FCRL6: variants seen among roughly 807,000 people sequenced by gnomAD.
FCRL6 encodes Fc receptor-like protein 6.
FCRL6 carries 50 observed loss-of-function variants against 49.1 expected under a neutral mutation model. The observed-to-expected ratio is 1.02, with a 90% CI of 0.81 to 1.29. The LOEUF (loss-of-function observed/expected upper bound fraction) is 1.29. Ranked by LOEUF, FCRL6 falls within the 50% of genes most tolerant of loss-of-function variation. The pLI is 0.00. For missense variants in FCRL6, 571 were observed against 518.5 expected (o/e 1.10, Z -0.98); for synonymous variants, 213 against 199.6 (o/e 1.07, Z -0.57).
At chr1:159,805,128 C>T (rs756896823) in intron 1 of FCRL6, among the ~76,000 whole-genome samples, 4 of 152,120 alleles carry the variant, frequency 2.6e-5, no homozygotes, top group African/African-American at 9.7e-5. Context: ...TCCACTACAC[C>T]GAGCTCATAG....
intron 6 of FCRL6, among the ~76,000 whole-genome samples, chr1:159,812,631 C>T (rs188219956): frequency 7.2e-5 from 11 of 152,342 alleles, no homozygotes; most frequent in African/African-American, 2.6e-4. Flanking sequence ...TTTCTCAGCC[C>T]TGACGAATGA....
upstream of FCRL6, among the ~76,000 whole-genome samples, chr1:159,801,616 C>T (rs1193578984): frequency 1.3e-5 from 2 of 152,112 alleles, no homozygotes; most frequent in African/African-American, 4.8e-5. Context: ...AGTACCTATC[C>T]AATTATTTTT....
At chr1:159,807,531 A>G (rs1662772545) in intron 2 of FCRL6, among the ~76,000 whole-genome samples, 1 of 152,254 alleles carries the variant, frequency 6.6e-6, no homozygotes, top group Admixed American at 6.5e-5. Flanking sequence ...AGAGACAGAG[A>G]GAACAGATCC....
intron 6 of FCRL6, 134 bp from the exon 7 acceptor site, chr1:159,813,355 G>T: frequency 1.4e-6 from 1 of 714,924 alleles, no homozygotes; most frequent in South Asian, 1.6e-5. Context: ...CCAGACCTGT[G>T]AACTAGCCCT....
rs771723502 is a variant in FCRL6 at position 159,814,204 on chromosome 1, C to T, written c.1076-17C>T. 1 of 1,612,236 alleles carries T rather than the reference C, an allele frequency of 6.2e-7. No homozygotes were observed. Among genetic ancestry groups the T allele is most frequent in the Non-Finnish European group, 8.5e-7 (1 of 1,178,288 alleles). ...AGAGTCAGGAGGATCCTATTTAAGC[C>T]TCATTCCTTCTTCCAGTGCATCACC... is the stretch of plus-strand genomic sequence containing the variant. On this transcript the variant is annotated splice_polypyrimidine_tract_variant and intron_variant, in intron 7 of 9. Coordinates refer to ENST00000368106, the MANE Select transcript of FCRL6 (RefSeq NM_001004310.3).
intron 3 of FCRL6, 128 bp downstream of exon 3, chr1:159,808,572 G>C (rs957828670): frequency 1.8e-6 from 2 of 1,139,236 alleles, no homozygotes; most frequent in Non-Finnish European, 1.3e-6. Context: ...AATGTGTGGG[G>C]CCCCGAGGTT....
Position 159,815,749 on chromosome 1 carries a change from T to C in FCRL6, c.*88T>C. On this transcript the variant is annotated 3_prime_UTR_variant, in exon 10 of 10. Coordinates refer to ENST00000368106, the MANE Select transcript of FCRL6 (RefSeq NM_001004310.3). The stretch of plus-strand genomic sequence containing the variant: ...TGGGGTCCTCAACTCTTTCTGTGGG[T>C]CCTTCAGTTCCCAAGCCCAGCATCA... 3 of 1,514,902 alleles carry C rather than the reference T, an allele frequency of 2.0e-6. No homozygotes were observed. Among genetic ancestry groups the C allele is most frequent in the Non-Finnish European group, 2.7e-6 (3 of 1,108,058 alleles). 93.8% of individuals were successfully genotyped at this position (1,514,902 alleles called of 1,614,324 possible).
At chr1:159,802,531 A>C in intron 1 of FCRL6, 76 bp downstream of exon 1, 63 of 1,340,682 alleles carry the variant, frequency 4.7e-5, no homozygotes, top group Non-Finnish European at 5.9e-5. Context: ...CAAGTTCCTC[A>C]TCTTACCTTT....
rs1363518374 is a variant in FCRL6, at chr1:159,810,201, T to G, written c.994T>G (p.Ser332Ala). Reference sequence around the variant, plus strand: ...TGCTGCACTTCTGGTTTATGTGAGATCCTGGAGAAAAGCTGGTCAGTAACT... The same window carrying G: ...TGCTGCACTTCTGGTTTATGTGAGAGCCTGGAGAAAAGCTGGTCAGTAACT... ...IAAALLVYVR[S>A]WRKAGPLPSQ... Residue 332 changes from serine (S) to alanine (A), a missense_variant, in exon 6 of 10, where the codon TCC becomes GCC. Physicochemically the swap from Ser to Ala is moderately conservative, Grantham distance 99 (BLOSUM62 1). Coordinates refer to ENST00000368106, the MANE Select transcript of FCRL6 (RefSeq NM_001004310.3). 6.2e-7 allele frequency: 1 copy of G among 1,612,880 alleles called. No individual in the cohort carries two copies. Among genetic ancestry groups the G allele is most frequent in the Non-Finnish European group, 8.5e-7 (1 of 1,179,492 alleles).
chr1:159,812,786 C>T (rs1053309533), intron 6 of FCRL6, among the ~76,000 whole-genome samples: 10 of 152,296 alleles, frequency 6.6e-5, no homozygotes, highest in Non-Finnish European at 1.5e-4. Context: ...TTCTTGGGCA[C>T]CAGGCATGAA....
Position 159,814,244 on chromosome 1 carries a change from G to A in FCRL6, c.1099G>A (p.Glu367Lys). ...ANVHHQKGKD[E>K]GVVYSVVHRT... ...AGTGCATCACCAGAAAGGGAAAGAT[G>A]AAGGTGTTGTCTACTCTGTGGTGCA... The change falls in exon 8 of 10, where the codon GAA (glutamate) becomes AAA (lysine). Residue 367 changes from glutamate (E) to lysine (K), a missense_variant. Transcript: ENST00000368106. 2 of 1,614,180 alleles carry A rather than the reference G, an allele frequency of 1.2e-6. No individual in the cohort carries two copies. Among genetic ancestry groups the A allele is most frequent in the South Asian group, 1.1e-5 (1 of 91,088 alleles).
intron 6 of FCRL6, among the ~76,000 whole-genome samples, chr1:159,812,032 C>T (rs1663116089): frequency 6.6e-6 from 1 of 152,144 alleles, no homozygotes; most frequent in Non-Finnish European, 1.5e-5. Flanking sequence ...AACAAGATAC[C>T]TTTCACAGGG....
At chr1:159,807,411 C>G (rs1270862491) in intron 2 of FCRL6, among the ~76,000 whole-genome samples, 1 of 152,188 alleles carries the variant, frequency 6.6e-6, no homozygotes, top group East Asian at 1.9e-4. Context: ...CAGATACAGG[C>G]TGGGGACAGA....
intron 6 of FCRL6, among the ~76,000 whole-genome samples, chr1:159,811,652 G>A (rs1427518962): frequency 6.6e-6 from 1 of 152,158 alleles, no homozygotes; most frequent in Non-Finnish European, 1.5e-5. Context: ...TGTAGTCTTT[G>A]TCCATACAAC....
At chr1:159,815,490 C>T (rs373431796) in intron 9 of FCRL6, 31 bp downstream of exon 9, 15 of 1,613,992 alleles carry the variant, frequency 9.3e-6, no homozygotes, top group Non-Finnish European at 1.2e-5. Context: ...CTTTCTCACC[C>T]TCTCTCTTAC....
intron 6 of FCRL6, 76 bp from the exon 7 acceptor site, chr1:159,813,412 TG>T: frequency 7.6e-7 from 1 of 1,318,270 alleles, no homozygotes; most frequent in South Asian, 1.2e-5. Flanking sequence ...TTGTCATTCT[TG>T]CTCACAGCTT....
At position 159,815,956 on chromosome 1, in the gene FCRL6, C is replaced by T. The variant is rs927589443; in HGVS notation, c.*295C>T. On this transcript the variant is annotated 3_prime_UTR_variant, in exon 10 of 10. Coordinates refer to ENST00000368106, the MANE Select transcript of FCRL6 (RefSeq NM_001004310.3). ...TTCTTTCCATACAAGCATGTTAGTT[C>T]GCCCCAATATACATATATATATGAA... The T allele has an allele frequency of 1.1e-5, 4 of 355,650 alleles. No homozygotes were observed. The highest frequency in any genetic ancestry group is 6.0e-5 in the South Asian group (2 of 33,158). The allele number at this position is 355,650 out of a possible 1,614,324, so 22.0% of individuals were successfully genotyped here. A position where few individuals can be genotyped will look rare whatever the true frequency, so the allele number is the denominator to read the frequency against.
chr1:159,807,040 A>G (rs1443309607), intron 2 of FCRL6, among the ~76,000 whole-genome samples: 3 of 152,146 alleles, frequency 2.0e-5, no homozygotes, highest in Admixed American at 6.5e-5. Context: ...CCTCCAGCCC[A>G]TTCTGTGACA....
rs1662869097 is a variant in FCRL6 at position 159,808,592 on chromosome 1, G to T, written c.319+148G>T. 4.8e-6 allele frequency: 4 copies of T among 831,540 alleles called. No homozygotes were observed. In the South Asian group the frequency reaches 6.6e-5, roughly 14 times the overall value. The allele number at this position is 831,540 out of a possible 1,614,324, so 51.5% of individuals were successfully genotyped here. On this transcript the variant is annotated intron_variant, in intron 3 of 9. Transcript: ENST00000368106. Reference sequence around the variant, plus strand: ...GTGGGGCCCCGAGGTTTCCCAAGATGTTGTCTCAATACCCCCCTCTCCCCA... The same window carrying T: ...GTGGGGCCCCGAGGTTTCCCAAGATTTTGTCTCAATACCCCCCTCTCCCCA...
Sources: gnomAD v4.1 joint callset for allele counts (sites outside exome capture counted in the v4.1 genomes callset) on GRCh38, gnomAD v4.1.1 for gene constraint, MANE v1.5 for transcripts, NCBI Gene and HGNC (gene_info 2026-07-23, HGNC 2026-07-21) for gene names.